Variants in SLC5A2 observed in about 807,000 individuals in gnomAD.
The protein encoded by SLC5A2 is sodium/glucose cotransporter 2.
In SLC5A2, 67 loss-of-function variants were observed where a neutral mutation model predicts 69.0. That is an observed-to-expected ratio of 0.97 (90% CI 0.80 to 1.19). The LOEUF (loss-of-function observed/expected upper bound fraction) is 1.19. Among genes scored for constraint, SLC5A2 ranks in the 50% most tolerant of loss-of-function variants. SLC5A2 has a pLI of 0.00. For synonymous variants in SLC5A2, 455 were observed against 395.8 expected (o/e 1.15, Z -1.78); for missense variants, 1,001 against 921.5 (o/e 1.09, Z -1.12).
intron 3 of SLC5A2, 39 bp from the exon 4 acceptor site, chr16:31,485,690 G>C (rs1430777614): frequency 6.2e-7 from 1 of 1,607,958 alleles, no homozygotes; most frequent in South Asian, 1.1e-5. Flanking sequence ...TCAGGGATGA[G>C]GGCAAAGCCA....
chr16:31,484,942 C>T lies in SLC5A2; in HGVS notation c.303+19C>T, dbSNP rs768203167. The stretch of plus-strand genomic sequence containing the variant: ...GTGGAATGTGAGGCCCTCTTTTTTC[C>T]AATAACCCCACCCTCAGTGAGAACA... On this transcript the variant is annotated intron_variant, in intron 3 of 13. Transcript: ENST00000330498. The T allele has an allele frequency of 2.9e-4, 464 of 1,603,522 alleles. No homozygotes were observed. Among genetic ancestry groups the T allele is most frequent in the Non-Finnish European group, 3.7e-4 (433 of 1,171,490 alleles).
chr16:31,486,040 G>A, intron 4 of SLC5A2, 130 bp from the exon 5 acceptor site: 2 of 1,186,400 alleles, frequency 1.7e-6, no homozygotes, highest in Non-Finnish European at 2.5e-6. Context: ...ATGTCTCCGG[G>A]GCACCAGCTA....
At chr16:31,489,455 G>A in intron 12 of SLC5A2, 117 bp downstream of exon 12, 1 of 895,496 alleles carries the variant, frequency 1.1e-6, no homozygotes, top group Non-Finnish European at 1.8e-6. Context: ...AATGGGCTGG[G>A]GGTCCAGCTG....
chr16:31,485,039 C>T (rs747789273), intron 3 of SLC5A2, 116 bp downstream of exon 3: 28 of 947,682 alleles, frequency 3.0e-5, no homozygotes, highest in African/African-American at 1.1e-4. Flanking sequence ...TTCCCAACTG[C>T]GGGGTGTGAC....
At chr16:31,487,874 A>C (rs1596619418) in intron 7 of SLC5A2, 115 bp downstream of exon 7, 2 of 1,376,388 alleles carry the variant, frequency 1.5e-6, no homozygotes, top group Non-Finnish European at 2.0e-6. Context: ...AGGGGCGGGA[A>C]CCCCTCGGGT....
Position 31,490,361 on chromosome 16 carries a change from T to C in SLC5A2, c.1845T>C (p.Cys615=), listed in dbSNP as rs755803144. The C allele has an allele frequency of 1.2e-5, 20 of 1,613,082 alleles. No individual in the cohort carries two copies. The East Asian group carries it at 1.8e-4, about 14-fold the overall frequency. The change falls in exon 14 of 14, where the codon TGT becomes TGC. Residue 615 remains cysteine, a synonymous_variant. Transcript: ENST00000330498. ...TCCGCCAGTGCCTGCTCTGGTTTTG[T>C]GGAATGAGCAGAGGTGGGGTGGGCA... The part of the protein sequence containing the change: ...SLFRQCLLWF[C]GMSRGGVGSP...
At position 31,489,141 on chromosome 16, in the gene SLC5A2, A is replaced by T; in HGVS notation, c.1468A>T (p.Ile490Phe). ...TTCGCAGGGCGCCTTCTGGGGACTC[A>T]TCGGGGGCCTGCTGATGGGCCTGGC... ...VNEQGAFWGL[I>F]GGLLMGLARL... Residue 490 changes from isoleucine (I) to phenylalanine (F), a missense_variant, in exon 12 of 14, where the codon ATC (isoleucine) becomes TTC (phenylalanine). Coordinates refer to ENST00000330498, the MANE Select transcript of SLC5A2 (RefSeq NM_003041.4). 1 of 1,609,160 alleles carries T rather than the reference A, an allele frequency of 6.2e-7. No homozygotes were observed. Among genetic ancestry groups the T allele is most frequent in the Non-Finnish European group, 8.5e-7 (1 of 1,179,966 alleles).
chr16:31,483,154 G>T lies in SLC5A2; in HGVS notation c.18G>T (p.Glu6Asp). The T allele has an allele frequency of 6.2e-7, 1 of 1,614,008 alleles. No homozygotes were observed. Residue 6 changes from glutamate (E) to aspartate (D), a missense_variant, in exon 1 of 14, where the codon GAG becomes GAT. Coordinates refer to ENST00000330498, the MANE Select transcript of SLC5A2 (RefSeq NM_003041.4). ...TGGGGAGAATGGAGGAGCACACAGA[G>T]GCAGGCTCGGCACCAGAGATGGGGG... MEEHT[E>D]AGSAPEMGAQ...
In SLC5A2 at chr16:31,484,852, A is replaced by G; in HGVS notation, c.232A>G (p.Ser78Gly). 6.2e-7 allele frequency: 1 copy of G among 1,614,050 alleles called. No individual in the cohort carries two copies. Among genetic ancestry groups the G allele is most frequent in the South Asian group, 1.1e-5 (1 of 91,084 alleles). ...GASLFASNIGSGHFVGLAGTG... is the reference protein window; with the variant it reads ...GASLFASNIGGGHFVGLAGTG... ...CTCTCTCTTCGCCAGCAACATCGGC[A>G]GTGGCCACTTTGTGGGCCTGGCAGG... The change falls in exon 3 of 14, where the codon AGT becomes GGT. Residue 78 changes from serine (S) to glycine (G), a missense_variant. Transcript: ENST00000330498.
At chr16:31,487,427 C>A in intron 6 of SLC5A2, 27 bp downstream of exon 6, 1 of 1,612,118 alleles carries the variant, frequency 6.2e-7, no homozygotes, top group South Asian at 1.1e-5. Context: ...CAGGGAGGGG[C>A]GCGGAGGGCA....
chr16:31,486,059 G>T, intron 4 of SLC5A2, 111 bp from the exon 5 acceptor site: 1 of 1,202,218 alleles, frequency 8.3e-7, no homozygotes, highest in South Asian at 1.2e-5. Context: ...TACAGTGCTG[G>T]GACCTGGAAA....
chr16:31,484,526 G>T (rs2142615634), intron 1 of SLC5A2, 147 bp from the exon 2 acceptor site: 3 of 826,780 alleles, frequency 3.6e-6, no homozygotes, highest in Non-Finnish European at 6.2e-6. Context: ...GAGTGTCTGG[G>T]AGGAGTTGGG....
chr16:31,490,593 C>T lies in SLC5A2; in HGVS notation c.*58C>T. 7.1e-7 allele frequency: 1 copy of T among 1,412,668 alleles called. No homozygotes were observed. Among genetic ancestry groups the T allele is most frequent in the Non-Finnish European group, 9.9e-7 (1 of 1,014,100 alleles). The allele number at this position is 1,412,668 out of a possible 1,614,324, so 87.5% of individuals were successfully genotyped here. A position where few individuals can be genotyped will look rare whatever the true frequency, so the allele number is the denominator to read the frequency against. The stretch of plus-strand genomic sequence containing the variant: ...CTCACAGGAAGTGGGGGTGAGGAGC[C>T]TGCGGTGCTCCCCAGAAAAGGGGAA... On this transcript the variant is annotated 3_prime_UTR_variant, in exon 14 of 14. Coordinates refer to ENST00000330498, the MANE Select transcript of SLC5A2 (RefSeq NM_003041.4).
rs757315090 is a variant in SLC5A2 at position 31,490,168 on chromosome 16, A to G, written c.1730A>G (p.Glu577Gly). 1 of 1,614,162 alleles carries G rather than the reference A, an allele frequency of 6.2e-7. No individual in the cohort carries two copies. The highest frequency in any genetic ancestry group is 8.5e-7 in the Non-Finnish European group (1 of 1,180,032). The change falls in exon 13 of 14, where the codon GAG becomes GGG. Residue 577 changes from glutamate (E) to glycine (G), a missense_variant. Physicochemically the swap from Glu to Gly is moderately conservative, Grantham distance 98. Transcript: ENST00000330498. ...KEEREDLDAD[E>G]QQGSSLPVQN... The stretch of plus-strand genomic sequence containing the variant: ...GAACGGGAGGACCTGGATGCTGATG[A>G]GCAGCAAGGCTCCTCACTCCCTGTA...
chr16:31,484,460 A>C (rs2082479360), intron 1 of SLC5A2, among the ~76,000 whole-genome samples: 1 of 151,972 alleles, frequency 6.6e-6, no homozygotes, highest in African/African-American at 2.4e-5. Flanking sequence ...AAAAAGAAAA[A>C]ATATGTGAAA....
chr16:31,488,047 C>T lies in SLC5A2; in HGVS notation c.895C>T (p.Gln299Ter). 1 of 1,613,638 alleles carries T rather than the reference C, an allele frequency of 6.2e-7. No individual in the cohort carries two copies. The highest frequency in any genetic ancestry group is 1.1e-5 in the South Asian group (1 of 91,088). ...WYWCSDQVIV[Q>*]RCLAGKSLTH... ...AACGCCCCTCCCGTAGGTCATCGTG[C>T]AGCGCTGCCTGGCCGGGAAGAGCCT... Residue 299 changes from glutamine (Q) to a stop codon, truncating the protein, a stop_gained, in exon 8 of 14, where the codon CAG (glutamine) becomes TAG (stop). Coordinates refer to ENST00000330498, the MANE Select transcript of SLC5A2 (RefSeq NM_003041.4). LOFTEE classifies it high-confidence loss of function.
rs1567386849 is a variant in SLC5A2 at position 31,483,222 on chromosome 16, T to C, written c.86T>C (p.Ile29Thr). ...LIDNPADILV[I>T]AAYFLLVIGV... ...GACAATCCTGCTGACATCCTAGTCA[T>C]TGCTGCATATTTCCTGCTGGTCATT... The change falls in exon 1 of 14, where the codon ATT (isoleucine) becomes ACT (threonine). Residue 29 changes from isoleucine (I) to threonine (T), a missense_variant. By Grantham distance (89) the Ile-to-Thr change is moderately conservative. Coordinates refer to ENST00000330498, the MANE Select transcript of SLC5A2 (RefSeq NM_003041.4). 1 of 1,614,000 alleles carries C rather than the reference T, an allele frequency of 6.2e-7. No individual in the cohort carries two copies. The highest frequency in any genetic ancestry group is 8.5e-7 in the Non-Finnish European group (1 of 1,179,990).
Position 31,485,825 on chromosome 16 carries a change from G to A in SLC5A2, c.400G>A (p.Gly134Ser), listed in dbSNP as rs200013869. ...GCCACAGTACCTGCGCAAGCGCTTC[G>A]GCGGCCGCCGCATCCGCCTCTACCT... ...TMPQYLRKRF[G>S]GRRIRLYLSV... The change falls in exon 4 of 14, where the codon GGC (glycine) becomes AGC (serine). Residue 134 changes from glycine to serine, a missense_variant. Physicochemically the swap from Gly to Ser is moderately conservative, Grantham distance 56. Transcript: ENST00000330498. 48 of 1,613,120 alleles carry A rather than the reference G, an allele frequency of 3.0e-5. No homozygotes were observed. The highest frequency in any genetic ancestry group is 3.8e-5 in the Non-Finnish European group (45 of 1,180,016).
At chr16:31,484,981 C>T in intron 3 of SLC5A2, 58 bp downstream of exon 3, 1 of 1,460,068 alleles carries the variant, frequency 6.8e-7, no homozygotes. Context: ...GGAAGGGTCA[C>T]ACCTTGGGGA....
Sources: allele counts gnomAD v4.1 joint callset (sites outside exome capture counted in the v4.1 genomes callset), GRCh38; gene constraint gnomAD v4.1.1; transcripts MANE v1.5; gene names NCBI Gene and HGNC (gene_info 2026-07-23, HGNC 2026-07-21).